SOX6: variants seen among roughly 807,000 people sequenced by gnomAD.
SOX6 encodes the protein transcription factor SOX-6.
Under a neutral mutation model 97.8 loss-of-function variants are expected in SOX6, and 11 were observed. The ratio of observed to expected loss-of-function variants is 0.11; its 90% CI spans 0.07 to 0.19. The LOEUF is 0.19. Ranked by LOEUF, SOX6 falls within the 10% of genes least tolerant of loss-of-function variation. SOX6 has a pLI of 1.00. For synonymous variants in SOX6, 360 were observed against 371.4 expected, an observed-to-expected ratio of 0.97 and a Z score of 0.35; for missense variants, 810 against 1,039.5, an observed-to-expected ratio of 0.78 and a Z score of 3.04.
chr11:16,413,054 A>T (rs1414496350), intron 1 of SOX6, among the ~76,000 whole-genome samples: 1 of 152,248 alleles, frequency 6.6e-6, no homozygotes, highest in Non-Finnish European at 1.5e-5. Flanking sequence ...TGAAAACAGT[A>T]AACAGCAAAA....
chr11:16,496,595 C>T (rs889008727), intron 4 of SOX6, among the ~76,000 whole-genome samples: 2 of 152,194 alleles, frequency 1.3e-5, no homozygotes, highest in African/African-American at 4.8e-5. Flanking sequence ...CAGACAACAC[C>T]TGGAAAATTG....
chr11:16,443,131 T>C (rs16933105), intron 1 of SOX6, among the ~76,000 whole-genome samples: 1 of 152,014 alleles, frequency 6.6e-6, no homozygotes, highest in Non-Finnish European at 1.5e-5. Flanking sequence ...TCCAGATAAT[T>C]CCCTATAAAA....
chr11:16,341,853 T>G (rs1361044935), intron 1 of SOX6, among the ~76,000 whole-genome samples: 1 of 152,082 alleles, frequency 6.6e-6, no homozygotes, highest in Non-Finnish European at 1.5e-5. Context: ...CATCTAAAGC[T>G]TTTTAAAAGA....
intron 4 of SOX6, among the ~76,000 whole-genome samples, chr11:16,528,300 CTG>C (rs2133167426): frequency 1.3e-5 from 2 of 152,184 alleles, no homozygotes; most frequent in South Asian, 4.1e-4. Context: ...ATTGTTGTAG[CTG>C]TGTTTTACAT....
chr11:16,468,593 A>G (rs1347808188), intron 1 of SOX6, among the ~76,000 whole-genome samples: 3 of 152,182 alleles, frequency 2.0e-5, no homozygotes, highest in Non-Finnish European at 4.4e-5. Flanking sequence ...TCGGCACCCA[A>G]CATGGATCCA....
chr11:16,201,025 G>A (rs1384016919), intron 4 of SOX6, among the ~76,000 whole-genome samples: 3 of 151,948 alleles, frequency 2.0e-5, no homozygotes, highest in East Asian at 1.9e-4. Flanking sequence ...GCTGAGGCAG[G>A]AGAATTGCTT....
chr11:16,622,989 G>A (rs1848566970), intron 3 of SOX6, among the ~76,000 whole-genome samples: 1 of 151,672 alleles, frequency 6.6e-6, no homozygotes, highest in Admixed American at 6.6e-5. Flanking sequence ...ATTGCATTGT[G>A]GTTTTGATTT....
chr11:16,506,065 A>G (rs1860780476), intron 4 of SOX6, among the ~76,000 whole-genome samples: 1 of 152,214 alleles, frequency 6.6e-6, no homozygotes, highest in Non-Finnish European at 1.5e-5. Context: ...GGCATGGCCT[A>G]GTAGAGATGT....
At chr11:16,416,016 T>C (rs1444543975) in intron 1 of SOX6, among the ~76,000 whole-genome samples, 1 of 152,032 alleles carries the variant, frequency 6.6e-6, no homozygotes, top group Non-Finnish European at 1.5e-5. Flanking sequence ...CTTTAAAGAG[T>C]ATACACTTAC....
At chr11:16,234,711 A>C (rs1703193603) in intron 3 of SOX6, 40 bp from the exon 4 acceptor site, 4 of 1,183,662 alleles carry the variant, frequency 3.4e-6, no homozygotes, top group Non-Finnish European at 1.2e-6. Context: ...ATATATATTT[A>C]TTACAAATTT....
intron 4 of SOX6, among the ~76,000 whole-genome samples, chr11:16,597,344 A>G (rs1396554265): frequency 6.6e-6 from 1 of 151,218 alleles, no homozygotes; most frequent in African/African-American, 2.4e-5. Flanking sequence ...GTGTGTGTAT[A>G]TATATATATT....
At chr11:16,651,247 AG>A (rs1258163431) in intron 3 of SOX6, among the ~76,000 whole-genome samples, 2 of 152,214 alleles carry the variant, frequency 1.3e-5, no homozygotes, top group South Asian at 2.1e-4. Context: ...ATACAGAAAG[AG>A]GGGATCTTCC....
chr11:16,641,179 T>C (rs1426900260), intron 3 of SOX6, among the ~76,000 whole-genome samples: 1 of 152,224 alleles, frequency 6.6e-6, no homozygotes, highest in Non-Finnish European at 1.5e-5. Context: ...CCAGTAGTCA[T>C]TCAGGAGCAG....
At chr11:16,651,217 C>A (rs1465848135) in intron 3 of SOX6, among the ~76,000 whole-genome samples, 1 of 151,974 alleles carries the variant, frequency 6.6e-6, no homozygotes, top group Non-Finnish European at 1.5e-5. Context: ...ACCAACCTTA[C>A]CGAAACTATT....
At chr11:16,189,073 A>C (rs1222945109) in intron 4 of SOX6, among the ~76,000 whole-genome samples, 1 of 152,170 alleles carries the variant, frequency 6.6e-6, no homozygotes, top group Non-Finnish European at 1.5e-5. Context: ...AAAAACAAAC[A>C]AACAAAAAAA....
intron 6 of SOX6, among the ~76,000 whole-genome samples, chr11:16,147,976 A>G (rs1850355891): frequency 6.6e-6 from 1 of 152,182 alleles, no homozygotes; most frequent in African/African-American, 2.4e-5. Context: ...CCATTGCTTC[A>G]TAACTACTTT....
At chr11:16,139,290 T>G (rs1012510725) in intron 6 of SOX6, among the ~76,000 whole-genome samples, 1 of 152,198 alleles carries the variant, frequency 6.6e-6, no homozygotes, top group Non-Finnish European at 1.5e-5. Context: ...ACCCAATAGT[T>G]TTAGCATCCC....
At chr11:16,291,534 C>A (rs1039095494) in intron 3 of SOX6, among the ~76,000 whole-genome samples, 2 of 151,800 alleles carry the variant, frequency 1.3e-5, no homozygotes, top group South Asian at 4.1e-4. Flanking sequence ...GTTCTCAATT[C>A]TAATGGCTCC....
At chr11:16,727,436 C>CTT (rs72382796) in intron 2 of SOX6, among the ~76,000 whole-genome samples, 28 of 144,522 alleles carry the variant, frequency 1.9e-4, no homozygotes, top group South Asian at 8.7e-4. Flanking sequence ...TCACTTTCTT[C>CTT]TTTTTTTTTT....
Sources: gnomAD v4.1 joint callset for allele counts (sites outside exome capture counted in the v4.1 genomes callset) on GRCh38, gnomAD v4.1.1 for gene constraint, MANE v1.5 for transcripts, NCBI Gene and HGNC (gene_info 2026-07-23, HGNC 2026-07-21) for gene names.